Variants in NRXN1 observed in about 807,000 individuals in gnomAD.
The protein encoded by NRXN1 is neurexin-1.
In NRXN1, 39 loss-of-function variants were observed where a neutral mutation model predicts 150.9. The ratio of observed to expected loss-of-function variants is 0.26; its 90% CI spans 0.20 to 0.34. NRXN1 has a LOEUF of 0.34. Ranked by LOEUF, NRXN1 falls within the 10% of genes least tolerant of loss-of-function variation. The pLI, the probability that NRXN1 is intolerant of heterozygous loss-of-function variation, is 1.00. For synonymous variants in NRXN1, 924 were observed against 757.0 expected, an observed-to-expected ratio of 1.22 and a Z score of -3.62; for missense variants, 1,815 against 1,949.9, an observed-to-expected ratio of 0.93 and a Z score of 1.30.
intron 19 of NRXN1, among the ~76,000 whole-genome samples, chr2:50,086,584 G>A (rs1232018868): frequency 6.6e-6 from 1 of 152,026 alleles, no homozygotes; most frequent in Non-Finnish European, 1.5e-5. Flanking sequence ...ATCAAACTCG[G>A]CATTTTGAAA....
chr2:50,171,420 A>G (rs1372496872), intron 18 of NRXN1, among the ~76,000 whole-genome samples: 3 of 145,254 alleles, frequency 2.1e-5, no homozygotes, highest in Non-Finnish European at 4.5e-5. Context: ...ATTCATTTTT[A>G]GGCCCCATTA....
intron 2 of NRXN1, among the ~76,000 whole-genome samples, chr2:50,965,113 C>T (rs1191137898): frequency 2.6e-5 from 4 of 151,330 alleles, no homozygotes; most frequent in Non-Finnish European, 5.9e-5. Flanking sequence ...ATTCTTCCCT[C>T]AAATACTATG....
intron 21 of NRXN1, among the ~76,000 whole-genome samples, chr2:49,968,385 A>C (rs926981514): frequency 1.3e-5 from 2 of 152,086 alleles, no homozygotes; most frequent in African/African-American, 4.8e-5. Flanking sequence ...AAAAAGTTGC[A>C]TCCATTTTGC....
chr2:50,225,596 G>A (rs1269216469), intron 18 of NRXN1, among the ~76,000 whole-genome samples: 2 of 151,830 alleles, frequency 1.3e-5, no homozygotes, highest in Admixed American at 6.6e-5. Context: ...ATATAATCCA[G>A]GCCTCAAAGA....
chr2:49,926,877 A>G (rs1178727761), intron 22 of NRXN1, among the ~76,000 whole-genome samples: 1 of 152,242 alleles, frequency 6.6e-6, no homozygotes, highest in South Asian at 2.1e-4. Context: ...AGTACAGACC[A>G]GAGAGGGCTG....
At chr2:50,668,379 T>C (rs1442875192) in intron 5 of NRXN1, among the ~76,000 whole-genome samples, 1 of 152,018 alleles carries the variant, frequency 6.6e-6, no homozygotes, top group Non-Finnish European at 1.5e-5. Context: ...CTTTACAGTC[T>C]ACAAGCTTAT....
chr2:50,266,543 ACACAC>A lies in NRXN1; in HGVS notation c.3365-29578_3365-29574del, dbSNP rs1170576504. ...TTTATATATGTATATAAATACACAC[ACACAC>A]ACACACACACACACACACACACACA... On this transcript the variant is annotated intron_variant, in intron 17 of 22. Transcript: ENST00000401669. Among the ~76,000 whole-genome samples, 74 of 136,224 alleles carry A rather than the reference ACACAC, an allele frequency of 5.4e-4. 1 individual carries two copies. Among genetic ancestry groups the A allele is most frequent in the African/African-American group, 2.1e-3 (72 of 35,004 alleles). 89.4% of individuals were successfully genotyped at this position (136,224 alleles called of 152,430 possible).
chr2:50,021,088 T>G (rs1687493344), intron 21 of NRXN1, among the ~76,000 whole-genome samples: 1 of 152,218 alleles, frequency 6.6e-6, no homozygotes, highest in African/African-American at 2.4e-5. Flanking sequence ...TGTCAACTCT[T>G]GCCTAGCAGC....
intron 18 of NRXN1, among the ~76,000 whole-genome samples, chr2:50,174,289 T>C (rs929497317): frequency 2.0e-4 from 30 of 152,166 alleles, no homozygotes; most frequent in African/African-American, 7.2e-4. Context: ...TTGACTGTCT[T>C]GTGAGTCTGG....
At chr2:50,458,913 T>C (rs4031834) in intron 17 of NRXN1, among the ~76,000 whole-genome samples, 10,345 of 152,186 alleles carry the variant, frequency 0.068, 1,148 homozygotes, top group African/African-American at 0.23. Context: ...TGCTTCAGTA[T>C]TCTTCTTTTT....
At chr2:50,395,017 T>A (rs1051614393) in intron 17 of NRXN1, among the ~76,000 whole-genome samples, 2 of 151,992 alleles carry the variant, frequency 1.3e-5, no homozygotes, top group African/African-American at 4.8e-5. Context: ...CTCATAATTT[T>A]TCCTAATATA....
chr2:50,121,717 G>A (rs2152737205), intron 18 of NRXN1, among the ~76,000 whole-genome samples: 1 of 152,284 alleles, frequency 6.6e-6, no homozygotes, highest in East Asian at 1.9e-4. Context: ...CTTTTGATTA[G>A]TATGGAAGAA....
At chr2:50,598,540 CT>C (rs1293622424) in intron 8 of NRXN1, among the ~76,000 whole-genome samples, 1 of 147,640 alleles carries the variant, frequency 6.8e-6, no homozygotes, top group Non-Finnish European at 1.5e-5. Context: ...CCTAACTCTC[CT>C]ATATATGTGT....
intron 5 of NRXN1, among the ~76,000 whole-genome samples, chr2:50,835,643 G>A (rs1243653910): frequency 7.0e-6 from 1 of 143,684 alleles, no homozygotes; most frequent in Non-Finnish European, 1.6e-5. Flanking sequence ...TAAACTTTGA[G>A]ATAATTATAT....
chr2:50,692,529 A>G (rs1692222822), intron 5 of NRXN1, among the ~76,000 whole-genome samples: 1 of 152,172 alleles, frequency 6.6e-6, no homozygotes, highest in Admixed American at 6.5e-5. Flanking sequence ...AATTCTAATC[A>G]GAGTGTGAAA....
intron 17 of NRXN1, among the ~76,000 whole-genome samples, chr2:50,337,415 G>C (rs978505498): frequency 6.6e-6 from 1 of 152,084 alleles, no homozygotes; most frequent in East Asian, 1.9e-4. Context: ...TGGCCTGCTT[G>C]GGTTTGAATC....
At chr2:50,613,014 G>T (rs1317717807) in intron 8 of NRXN1, among the ~76,000 whole-genome samples, 1 of 152,116 alleles carries the variant, frequency 6.6e-6, no homozygotes, top group Non-Finnish European at 1.5e-5. Context: ...AAGAAACTAG[G>T]CTGGGCCTAT....
intron 5 of NRXN1, chr2:50,920,075 G>T (rs1475273947): frequency 3.4e-6 from 1 of 294,828 alleles, no homozygotes; most frequent in Non-Finnish European, 7.7e-6. Flanking sequence ...TATGAAATGG[G>T]TACCAATGTG....
chr2:50,701,514 G>C (rs891281611), intron 5 of NRXN1, among the ~76,000 whole-genome samples: 9 of 152,076 alleles, frequency 5.9e-5, no homozygotes, highest in African/African-American at 1.9e-4. Flanking sequence ...TGAGAGTCTT[G>C]CATTTTTCTG....
Sources: gnomAD v4.1 joint callset for allele counts (sites outside exome capture counted in the v4.1 genomes callset) on GRCh38, gnomAD v4.1.1 for gene constraint, MANE v1.5 for transcripts, NCBI Gene and HGNC (gene_info 2026-07-23, HGNC 2026-07-21) for gene names.